The following KLHL5 variants were observed in gnomAD, a reference collection of about 807,000 sequenced individuals.
KLHL5 encodes the protein kelch-like protein 5.
In KLHL5, 48 loss-of-function variants were observed where a neutral mutation model predicts 77.7. The ratio of observed to expected loss-of-function variants is 0.62; its 90% CI spans 0.49 to 0.79. The LOEUF (loss-of-function observed/expected upper bound fraction) is 0.79. KLHL5 is among the 30% of genes least tolerant of loss of function. The pLI, the probability that KLHL5 is intolerant of heterozygous loss-of-function variation, is 0.00. For synonymous variants in KLHL5, 260 were observed against 297.0 expected, an observed-to-expected ratio of 0.88 and a Z score of 1.28; for missense variants, 723 against 859.7, an observed-to-expected ratio of 0.84 and a Z score of 1.99.
intron 4 of KLHL5, among the ~76,000 whole-genome samples, chr4:39,083,002 T>G (rs1010987112): frequency 6.6e-6 from 1 of 152,124 alleles, no homozygotes; most frequent in African/African-American, 2.4e-5. Context: ...CAATACAGTT[T>G]CTAAGAGAAG....
chr4:39,140,510 T>C, the KLHL5 span, among the ~76,000 whole-genome samples: 2 of 152,240 alleles, frequency 1.3e-5, no homozygotes. Context: ...TAAACTATAC[T>C]TTCAATTTTT....
chr4:39,088,449 C>T (rs1209075963), intron 5 of KLHL5, among the ~76,000 whole-genome samples: 3 of 152,084 alleles, frequency 2.0e-5, no homozygotes, highest in Non-Finnish European at 2.9e-5. Context: ...TTAGTTTTTG[C>T]TATTTGGCTA....
intron 7 of KLHL5, among the ~76,000 whole-genome samples, chr4:39,103,974 C>CAAAAAAAAAAAAAAAAAAAAAAAAAAAAA (rs35801364): frequency 1.1e-5 from 1 of 93,226 alleles, no homozygotes; most frequent in Non-Finnish European, 2.0e-5. Context: ...ACATCTATCT[C>CAAAAAAAAAAAAAAAAAAAAAAAAAAAAA]AAAAAAAAAA....
At position 39,076,097 on chromosome 4, in the gene KLHL5, G is replaced by A. The variant is rs766128662; in HGVS notation, c.516G>A (p.Gln172=). 5 of 1,607,124 alleles carry A rather than the reference G, an allele frequency of 3.1e-6. No individual in the cohort carries two copies. The highest frequency in any genetic ancestry group is 1.1e-5 in the South Asian group (1 of 88,684). ...KKMENYLRHK[Q]LCDVILVAGD... is the part of the protein sequence containing the mutation. ...TGGAAAACTATTTGAGACATAAACA[G>A]TTGTGTGATGTAATTTTAGTCGCTG... The change falls in exon 2 of 11, where the codon CAG becomes CAA. Residue 172 remains glutamine, a synonymous_variant. Coordinates refer to ENST00000504108, the MANE Select transcript of KLHL5 (RefSeq NM_015990.5).
At chr4:39,135,826 C>T in the KLHL5 span, among the ~76,000 whole-genome samples, 1 of 152,084 alleles carries the variant, frequency 6.6e-6, no homozygotes, top group Non-Finnish European at 1.5e-5. Context: ...ATCACTTGAA[C>T]CTGGGGGGCA....
intron 7 of KLHL5, among the ~76,000 whole-genome samples, chr4:39,105,714 A>G (rs1014178939): frequency 7.1e-6 from 1 of 141,244 alleles, no homozygotes; most frequent in South Asian, 2.2e-4. Context: ...ATTTATATAC[A>G]CATATATGTG....
intron 8 of KLHL5, among the ~76,000 whole-genome samples, chr4:39,109,320 G>C (rs111236488): frequency 1.3e-5 from 2 of 152,128 alleles, no homozygotes; most frequent in African/African-American, 4.8e-5. Context: ...TTTTGAGAGA[G>C]AGTCTCACTC....
intron 1 of KLHL5, among the ~76,000 whole-genome samples, chr4:39,045,250 G>C (rs1184779607): frequency 8.6e-5 from 13 of 150,334 alleles, no homozygotes; most frequent in Admixed American, 1.3e-4. Context: ...CGAGGCCCTC[G>C]GGTCCGGAGG....
chr4:39,050,043 T>C (rs149817735), intron 1 of KLHL5, among the ~76,000 whole-genome samples: 57 of 152,074 alleles, frequency 3.7e-4, no homozygotes, highest in African/African-American at 1.2e-3. Flanking sequence ...CCACTGCACT[T>C]CATCCTGGGC....
At chr4:39,126,475 A>G (rs1723551104), downstream of KLHL5, among the ~76,000 whole-genome samples, 1 of 152,094 alleles carries the variant, frequency 6.6e-6, no homozygotes, top group African/African-American at 2.4e-5. Context: ...GAAATGCCGT[A>G]TTGACAGATG....
intron 1 of KLHL5, among the ~76,000 whole-genome samples, chr4:39,045,571 C>T (rs540353601): frequency 2.6e-5 from 4 of 152,200 alleles, no homozygotes; most frequent in Admixed American, 6.5e-5. Flanking sequence ...ACCCTCGCCC[C>T]CGGAGTGTGG....
Position 39,115,321 on chromosome 4 carries a change from G to A in KLHL5, c.2064G>A (p.Glu688=). Residue 688 remains glutamate, a synonymous_variant, in exon 10 of 11, where the codon GAG becomes GAA. Coordinates refer to ENST00000504108, the MANE Select transcript of KLHL5 (RefSeq NM_015990.5). ...AGGCTTATGATCCCCAGACAAATGA[G>A]TGGACCCAGGTATGGCATTCATGTT... ...TVEAYDPQTN[E]WTQVAPLCLG... is the part of the protein sequence containing the mutation. 1 of 1,613,980 alleles carries A rather than the reference G, an allele frequency of 6.2e-7. No individual in the cohort carries two copies. Among genetic ancestry groups the A allele is most frequent in the South Asian group, 1.1e-5 (1 of 91,070 alleles).
chr4:39,106,159 A>G (rs1162289582), intron 7 of KLHL5, among the ~76,000 whole-genome samples: 1 of 151,294 alleles, frequency 6.6e-6, no homozygotes, highest in African/African-American at 2.4e-5. Context: ...TTTCCCCCTC[A>G]CTCACCCTGC....
chr4:39,079,215 A>T (rs1719381149), intron 2 of KLHL5, among the ~76,000 whole-genome samples: 1 of 151,926 alleles, frequency 6.6e-6, no homozygotes, highest in African/African-American at 2.4e-5. Context: ...CCCTGCCTCC[A>T]CTCTTTGCCC....
intron 5 of KLHL5, among the ~76,000 whole-genome samples, chr4:39,088,536 C>T (rs1215775551): frequency 6.6e-6 from 1 of 152,136 alleles, no homozygotes; most frequent in African/African-American, 2.4e-5. Context: ...CTAAACCATT[C>T]TGCCTCTTGA....
At chr4:39,075,792 C>A (rs568252871) in intron 1 of KLHL5, among the ~76,000 whole-genome samples, 173 bp from the exon 2 acceptor site, 1 of 152,252 alleles carries the variant, frequency 6.6e-6, no homozygotes, top group South Asian at 2.1e-4. Flanking sequence ...AATCATATGA[C>A]TTAAGGCATC....
In KLHL5 at chr4:39,125,388, C is replaced by T. The variant is rs1042258091; in HGVS notation, c.*4322C>T. Among the ~76,000 whole-genome samples, 9 of 152,224 alleles carry T rather than the reference C, an allele frequency of 5.9e-5. No homozygotes were observed. Among genetic ancestry groups the T allele is most frequent in the Middle Eastern group, 3.4e-3 (1 of 294 alleles). ...ACAGGTGTTCAAGCAAAAACTTTCA[C>T]GCAAATATTCATTGCAGCACTAGTC... On this transcript the variant is annotated 3_prime_UTR_variant, in exon 11 of 11. Transcript: ENST00000504108.
chr4:39,138,117 TACAC>T, the KLHL5 span, among the ~76,000 whole-genome samples: 1 of 121,538 alleles, frequency 8.2e-6, no homozygotes, highest in African/African-American at 2.8e-5. Flanking sequence ...ACACACAAGT[TACAC>T]ACAAGTGAAA....
At chr4:39,106,601 C>A (rs1438802143) in intron 7 of KLHL5, among the ~76,000 whole-genome samples, 2 of 152,116 alleles carry the variant, frequency 1.3e-5, no homozygotes, top group Non-Finnish European at 2.9e-5. Context: ...AGTAAAATCT[C>A]ATGAATTTGA....
Sources: allele counts gnomAD v4.1 joint callset (sites outside exome capture counted in the v4.1 genomes callset), GRCh38; gene constraint gnomAD v4.1.1; transcripts MANE v1.5; gene names NCBI Gene and HGNC (gene_info 2026-07-23, HGNC 2026-07-21).